Variants in SVOP observed in about 807,000 individuals in gnomAD.
SVOP encodes synaptic vesicle 2-related protein.
A neutral mutation model predicts 69.1 loss-of-function variants in SVOP; 17 were observed. The observed-to-expected ratio is 0.25, with a 90% confidence interval of 0.17 to 0.37. The LOEUF is 0.37. Among genes scored for constraint, SVOP ranks in the 10% least tolerant of loss-of-function variants. The pLI, the probability that SVOP is intolerant of heterozygous loss-of-function variation, is 1.00. For synonymous variants in SVOP, 238 were observed against 238.6 expected (o/e 1.00, Z 0.02); for missense variants, 435 against 597.5 (o/e 0.73, Z 2.84).
chr12:108,921,625 T>C (rs2039748819), intron 12 of SVOP, among the ~76,000 whole-genome samples: 1 of 152,150 alleles, frequency 6.6e-6, no homozygotes, highest in South Asian at 2.1e-4. Flanking sequence ...GTCCACCAAA[T>C]CCCACAGTAT....
chr12:108,947,433 G>A (rs151047105), intron 6 of SVOP, among the ~76,000 whole-genome samples: 14 of 152,038 alleles, frequency 9.2e-5, no homozygotes, highest in African/African-American at 1.9e-4. Context: ...ATTTAAAAAC[G>A]AGTTCATACT....
Position 108,918,118 on chromosome 12 carries a change from C to T in SVOP, c.1275G>A (p.Val425=), listed in dbSNP as rs755338481. Residue 425 remains valine, a synonymous_variant, in exon 14 of 16, where the codon GTG becomes GTA. Coordinates refer to ENST00000610966, the MANE Select transcript of SVOP (RefSeq NM_018711.5). ...LLLFICVGRN[V]LTLLLFIARA... ...TTGCAATGAAGAGTAACAGAGTGAGCACATTTCTAGGAGGAGGATAAAGGC... is the reference window on the plus strand; with the variant it reads ...TTGCAATGAAGAGTAACAGAGTGAGTACATTTCTAGGAGGAGGATAAAGGC... 1 of 1,566,180 alleles carries T rather than the reference C, an allele frequency of 6.4e-7. No individual in the cohort carries two copies. The highest frequency in any genetic ancestry group is 1.9e-5 in the Admixed American group (1 of 52,578).
chr12:108,991,473 T>TTTG (rs1272585062), intron 1 of SVOP, among the ~76,000 whole-genome samples: 1 of 148,350 alleles, frequency 6.7e-6, no homozygotes, highest in Admixed American at 7.8e-5. Context: ...TTGTTTGTTT[T>TTTG]GAGACAGAAT....
At chr12:108,978,381 T>G in intron 3 of SVOP, 197 bp downstream of exon 3, 1 of 525,214 alleles carries the variant, frequency 1.9e-6, no homozygotes, top group Non-Finnish European at 3.4e-6. Context: ...TGGGGGCAAC[T>G]GCCAAACACA....
At chr12:108,920,407 T>C (rs1359364725) in intron 12 of SVOP, among the ~76,000 whole-genome samples, 1 of 152,166 alleles carries the variant, frequency 6.6e-6, no homozygotes, top group Non-Finnish European at 1.5e-5. Context: ...ATGTCTGGGT[T>C]CTAATGCCTC....
chr12:108,912,169 G>C lies in SVOP; in HGVS notation c.*366C>G. On this transcript the variant is annotated 3_prime_UTR_variant, in exon 16 of 16. Coordinates refer to ENST00000610966, the MANE Select transcript of SVOP (RefSeq NM_018711.5). ...GTGTCACATGGGCCTGAGCCTGGAC[G>C]GTATCTACAGAGAGATATTTTGGTT... 5 of 1,094,170 alleles carry C rather than the reference G, an allele frequency of 4.6e-6. No individual in the cohort carries two copies. Among genetic ancestry groups the C allele is most frequent in the Non-Finnish European group, 4.5e-6 (4 of 897,040 alleles). The allele number at this position is 1,094,170 out of a possible 1,614,324, so 67.8% of individuals were successfully genotyped here.
chr12:108,940,711 C>A, intron 8 of SVOP, 73 bp downstream of exon 8: 1 of 1,508,466 alleles, frequency 6.6e-7, no homozygotes, highest in East Asian at 2.5e-5. Context: ...CTTCCCTATC[C>A]CCTCCCCACC....
At chr12:108,916,703 C>A (rs1274017421) in intron 14 of SVOP, among the ~76,000 whole-genome samples, 1 of 152,210 alleles carries the variant, frequency 6.6e-6, no homozygotes, top group Non-Finnish European at 1.5e-5. Flanking sequence ...TGTCCCCCAA[C>A]CTAGAACACC....
chr12:109,013,032 G>A (rs1188937169), intron 1 of SVOP, among the ~76,000 whole-genome samples: 1 of 152,206 alleles, frequency 6.6e-6, no homozygotes, highest in Non-Finnish European at 1.5e-5. Context: ...CTTAATAGTG[G>A]TTCCACTGTC....
chr12:108,956,480 G>A (rs2039986572), intron 6 of SVOP, among the ~76,000 whole-genome samples: 1 of 152,046 alleles, frequency 6.6e-6, no homozygotes, highest in Non-Finnish European at 1.5e-5. Flanking sequence ...TGCTTGTGCT[G>A]CCAAAGAGCC....
intron 1 of SVOP, among the ~76,000 whole-genome samples, chr12:109,020,367 GT>G (rs1028818262): frequency 1.3e-5 from 2 of 151,868 alleles, no homozygotes; most frequent in Non-Finnish European, 2.9e-5. Context: ...AGGCATCCCA[GT>G]TTTTTTTATC....
At chr12:109,010,277 C>T (rs1029832452) in intron 1 of SVOP, among the ~76,000 whole-genome samples, 6 of 152,042 alleles carry the variant, frequency 3.9e-5, no homozygotes, top group Non-Finnish European at 8.8e-5. Context: ...AAAAGTGACC[C>T]GGGCACCCCC....
In SVOP at chr12:108,940,839, C is replaced by G; in HGVS notation, c.713G>C (p.Arg238Pro). 5.2e-6 allele frequency: 8 copies of G among 1,537,222 alleles called. No individual in the cohort carries two copies. Among genetic ancestry groups the G allele is most frequent in the Non-Finnish European group, 7.0e-6 (8 of 1,146,902 alleles). Reference sequence around the variant, plus strand: ...GACAGCTGAGAGGATGAGCAGCCAACGCCAGCCCAGGCTGGGCATCACGAA... The same window carrying G: ...GACAGCTGAGAGGATGAGCAGCCAAGGCCAGCCCAGGCTGGGCATCACGAA... ...AVFVMPSLGWRWLLILSAVPL... is the reference protein window; with the variant it reads ...AVFVMPSLGWPWLLILSAVPL... The change falls in exon 8 of 16, where the codon CGT becomes CCT. Residue 238 changes from arginine (R) to proline (P), a missense_variant. By Grantham distance (103) the Arg-to-Pro change is moderately radical. Coordinates refer to ENST00000610966, the MANE Select transcript of SVOP (RefSeq NM_018711.5).
chr12:108,960,674 A>G (rs2040013124), intron 6 of SVOP, among the ~76,000 whole-genome samples: 1 of 152,224 alleles, frequency 6.6e-6, no homozygotes, highest in Non-Finnish European at 1.5e-5. Flanking sequence ...AATCAATGCT[A>G]GATGCATTAT....
chr12:108,960,088 T>A (rs2040009157), intron 6 of SVOP, among the ~76,000 whole-genome samples: 1 of 152,202 alleles, frequency 6.6e-6, no homozygotes, highest in African/African-American at 2.4e-5. Context: ...CTATTATCAT[T>A]TTTTAGGGTG....
intron 11 of SVOP, among the ~76,000 whole-genome samples, chr12:108,925,906 G>T (rs1290565006): frequency 6.7e-6 from 1 of 148,904 alleles, no homozygotes; most frequent in Non-Finnish European, 1.5e-5. Flanking sequence ...CCCTTTATCT[G>T]CCCTACATTC....
At chr12:108,944,904 T>G (rs1343241752) in intron 7 of SVOP, among the ~76,000 whole-genome samples, 199 bp downstream of exon 7, 1 of 152,214 alleles carries the variant, frequency 6.6e-6, no homozygotes, top group Non-Finnish European at 1.5e-5. Flanking sequence ...ATTGAATGTT[T>G]TTGTCAATTG....
chr12:108,936,979 T>C (rs2137403083), intron 10 of SVOP: 1 of 382,974 alleles, frequency 2.6e-6, no homozygotes, highest in East Asian at 5.2e-5. Context: ...GGAGGATTGC[T>C]TGAGTTCAGG....
At chr12:109,003,365 T>C (rs539392053) in intron 1 of SVOP, among the ~76,000 whole-genome samples, 3 of 152,336 alleles carry the variant, frequency 2.0e-5, no homozygotes, top group Admixed American at 6.5e-5. Context: ...CGTGCTCTAG[T>C]TGATGGAACA....
Sources: gnomAD v4.1 joint callset for allele counts (sites outside exome capture counted in the v4.1 genomes callset) on GRCh38, gnomAD v4.1.1 for gene constraint, MANE v1.5 for transcripts, NCBI Gene and HGNC (gene_info 2026-07-23, HGNC 2026-07-21) for gene names.